CLCC1: variants seen among roughly 807,000 people sequenced by gnomAD.
CLCC1 encodes the protein chloride channel CLIC-like protein 1.
CLCC1 carries 39 observed loss-of-function variants against 63.3 expected under a neutral mutation model. The ratio of observed to expected loss-of-function variants is 0.62; its 90% CI spans 0.48 to 0.81. CLCC1 has a LOEUF of 0.81. Ranked by LOEUF, CLCC1 falls within the 30% of genes least tolerant of loss-of-function variation. The probability of loss-of-function intolerance (pLI) is 0.00; values close to 1 mark genes in which losing one functional copy is unlikely to be tolerated. For synonymous variants in CLCC1, 217 were observed against 239.8 expected (o/e 0.90, Z 0.88); for missense variants, 549 against 669.4 (o/e 0.82, Z 1.98).
At chr1:108,948,160 A>C (rs552384312) in intron 4 of CLCC1, among the ~76,000 whole-genome samples, 4 of 152,372 alleles carry the variant, frequency 2.6e-5, no homozygotes, top group African/African-American at 7.2e-5. Flanking sequence ...ATGAAGCCAG[A>C]CGATGAAATG....
intron 2 of CLCC1, among the ~76,000 whole-genome samples, chr1:108,951,868 C>T (rs745815850): frequency 5.3e-5 from 8 of 150,640 alleles, no homozygotes; most frequent in Non-Finnish European, 1.2e-4. Flanking sequence ...CTCCCAGACT[C>T]AAGTGATCGG....
At position 108,961,294 on chromosome 1, in the gene CLCC1, A is replaced by AAAC. The variant is rs775575742; in HGVS notation, c.-12+1014_-12+1015insGTT. Among the ~76,000 whole-genome samples the AAAC allele has an allele frequency of 9.3e-4, 141 of 151,306 alleles. 1 individual carries two copies. Among genetic ancestry groups the AAAC allele is most frequent in the Non-Finnish European group, 1.8e-3 (123 of 67,562 alleles). The stretch of plus-strand genomic sequence containing the variant: ...TGCTGAAGAGTTTGTTAAAAAAAAA[A>AAAC]AAAAACGATTCTGATTCAGTAAATC... On this transcript the variant is annotated intron_variant, in intron 2 of 12. Transcript: ENST00000369969.
chr1:108,954,851 T>TGTGTGTGTGA (rs1372044601), intron 2 of CLCC1, among the ~76,000 whole-genome samples: 5 of 145,840 alleles, frequency 3.4e-5, no homozygotes, highest in Middle Eastern at 3.5e-3. Context: ...TGTGTGTGTG[T>TGTGTGTGTGA]GACGGAGTTT....
At chr1:108,947,487 TAA>T (rs963265789) in intron 5 of CLCC1, 122 bp downstream of exon 5, 2 of 610,466 alleles carry the variant, frequency 3.3e-6, no homozygotes, top group African/African-American at 3.8e-5. Context: ...AGCTTCTGGT[TAA>T]AGAGTCAGTC....
chr1:108,937,230 GC>G lies in CLCC1; in HGVS notation c.1229del (p.Gly410AlafsTer14). ...TACCCTCATACGTTTTGGCATAAGG[GC>G]CTTGCTCAGTGGGGCCCATTTGGCC... is the stretch of plus-strand genomic sequence containing the variant. Reference protein sequence around the residue: ...YRGQMGPTEQGPYAKTYEGRR... With the variant: ...YRGQMGPTEQXPYAKTYEGRR... On this transcript the variant is annotated frameshift_variant, in exon 11 of 13. Coordinates refer to ENST00000369969, the MANE Select transcript of CLCC1 (RefSeq NM_001377458.1). LOFTEE classifies it high-confidence loss of function. The G allele has an allele frequency of 6.2e-7, 1 of 1,613,930 alleles. No individual in the cohort carries two copies. Among genetic ancestry groups the G allele is most frequent in the Non-Finnish European group, 8.5e-7 (1 of 1,179,934 alleles).
At position 108,963,370 on chromosome 1, in the gene CLCC1, C is replaced by A; in HGVS notation, c.-182G>T. ...AACTGCACGGACTCACGTCCGGGATCCCCTGCCTGCCTCTCGAGGAAGACA... is the reference window on the plus strand; with the variant it reads ...AACTGCACGGACTCACGTCCGGGATACCCTGCCTGCCTCTCGAGGAAGACA... On this transcript the variant is annotated 5_prime_UTR_variant, in exon 1 of 13. Transcript: ENST00000369969. 1.4e-6 allele frequency: 1 copy of A among 702,154 alleles called. No individual in the cohort carries two copies. Among genetic ancestry groups the A allele is most frequent in the Non-Finnish European group, 2.6e-6 (1 of 384,630 alleles). 43.5% of individuals were successfully genotyped at this position (702,154 alleles called of 1,614,324 possible).
At chr1:108,950,855 G>A (rs1557898000) in intron 2 of CLCC1, among the ~76,000 whole-genome samples, 1 of 151,924 alleles carries the variant, frequency 6.6e-6, no homozygotes, top group Non-Finnish European at 1.5e-5. Context: ...CTAGAGTTAA[G>A]ATAACACTTT....
rs115235554 is a variant in CLCC1, at chr1:108,940,782, A to G, written c.796+623T>C. 7.9e-3 allele frequency among the ~76,000 whole-genome samples: 1,200 copies of G among 152,324 alleles called. 13 individuals are homozygous for G. The highest frequency in any genetic ancestry group is 0.028 in the African/African-American group (1,151 of 41,576). ...CCAGGAAGGAAGGCTGAATTGGTTT[A>G]GTTCCCACAACTTTTTAAGAAACAT... On this transcript the variant is annotated intron_variant, in intron 8 of 12. Transcript: ENST00000369969.
At chr1:108,944,632 C>T (rs1357252081) in intron 5 of CLCC1, among the ~76,000 whole-genome samples, 2 of 151,510 alleles carry the variant, frequency 1.3e-5, no homozygotes, top group Non-Finnish European at 2.9e-5. Flanking sequence ...CAGTAGTTAT[C>T]GTCTTTTTTT....
At chr1:108,937,889 G>T in intron 10 of CLCC1, among the ~76,000 whole-genome samples, 1 of 152,160 alleles carries the variant, frequency 6.6e-6, no homozygotes, top group South Asian at 2.1e-4. Context: ...CACATTCCAT[G>T]GGAAAAAGTA....
At position 108,930,098 on chromosome 1, in the gene CLCC1, C is replaced by T. The variant is rs1163227512; in HGVS notation, c.*2449G>A. On this transcript the variant is annotated 3_prime_UTR_variant, in exon 13 of 13. Transcript: ENST00000369969. ...TCAGTAGTCTATTAAGGCATTAATA[C>T]TTCTCTGGACATGCGCGTTTGAGGG... The T allele has an allele frequency of 1.5e-6, 1 of 688,942 alleles. No homozygotes were observed. Among genetic ancestry groups the T allele is most frequent in the African/African-American group, 1.8e-5 (1 of 55,668 alleles). The allele number at this position is 688,942 out of a possible 1,614,324, so 42.7% of individuals were successfully genotyped here.
rs182311441 is a variant in CLCC1 at position 108,953,252 on chromosome 1, C to T, written c.-11-2804G>A. 5.6e-3 allele frequency among the ~76,000 whole-genome samples: 846 copies of T among 152,316 alleles called. 6 individuals are homozygous for T. The highest frequency in any genetic ancestry group is 8.7e-3 in the Non-Finnish European group (591 of 68,020). ...GGCTAAATTAAATACTCCTGTTCCC[C>T]ATGTGCCCTGTATATTCTTCTGGCA... On this transcript the variant is annotated intron_variant, in intron 2 of 12. Transcript: ENST00000369969.
chr1:108,943,828 C>T lies in CLCC1; in HGVS notation c.561+8G>A. 1 of 1,597,450 alleles carries T rather than the reference C, an allele frequency of 6.3e-7. No homozygotes were observed. The highest frequency in any genetic ancestry group is 1.1e-5 in the South Asian group (1 of 89,588). On this transcript the variant is annotated splice_region_variant and intron_variant, in intron 6 of 12. Coordinates refer to ENST00000369969, the MANE Select transcript of CLCC1 (RefSeq NM_001377458.1). Reference sequence around the variant, plus strand: ...AATGACGTTGCCCTTGCCCTCATCCCATCTTACCATTAACACATTATATGG... The same window carrying T: ...AATGACGTTGCCCTTGCCCTCATCCTATCTTACCATTAACACATTATATGG...
intron 11 of CLCC1, among the ~76,000 whole-genome samples, chr1:108,936,456 T>G (rs1206386290): frequency 1.3e-5 from 2 of 152,252 alleles, no homozygotes; most frequent in East Asian, 3.8e-4. Context: ...AGGGATTCTA[T>G]AATTTCCCAG....
At chr1:108,953,283 A>C (rs1221554447) in intron 2 of CLCC1, among the ~76,000 whole-genome samples, 1 of 152,228 alleles carries the variant, frequency 6.6e-6, no homozygotes, top group Non-Finnish European at 1.5e-5. Context: ...TGGCATTGGA[A>C]GCAATGAAAT....
Position 108,944,548 on chromosome 1 carries a change from T to C in CLCC1, c.340-491A>G, listed in dbSNP as rs945610709. Among the ~76,000 whole-genome samples the C allele has an allele frequency of 3.3e-5, 5 of 151,946 alleles. No individual in the cohort carries two copies. In the East Asian group the frequency reaches 9.6e-4, roughly 29 times the overall value. On this transcript the variant is annotated intron_variant, in intron 5 of 12. Coordinates refer to ENST00000369969, the MANE Select transcript of CLCC1 (RefSeq NM_001377458.1). ...CCAAAGATAATATACATGAAAAACA[T>C]TTAAAAATTCTAGAACTCTATGTAA...
At chr1:108,944,469 T>TA (rs1238408631) in intron 5 of CLCC1, among the ~76,000 whole-genome samples, 90 of 144,374 alleles carry the variant, frequency 6.2e-4, no homozygotes, top group Middle Eastern at 3.5e-3. Context: ...ACCCTGTCTC[T>TA]AAAAAAAAAA....
At chr1:108,943,420 T>C in intron 7 of CLCC1, 55 bp downstream of exon 7, 1 of 1,567,166 alleles carries the variant, frequency 6.4e-7, no homozygotes, top group South Asian at 1.1e-5. Flanking sequence ...ATTAGAGTCT[T>C]CTTTCATTGT....
chr1:108,953,251 C>T (rs552673225), intron 2 of CLCC1, among the ~76,000 whole-genome samples: 5 of 152,212 alleles, frequency 3.3e-5, no homozygotes, highest in Non-Finnish European at 7.3e-5. Context: ...CTCCTGTTCC[C>T]CATGTGCCCT....
Sources: allele counts gnomAD v4.1 joint callset (sites outside exome capture counted in the v4.1 genomes callset), GRCh38; gene constraint gnomAD v4.1.1; transcripts MANE v1.5; gene names NCBI Gene and HGNC (gene_info 2026-07-23, HGNC 2026-07-21).